The following ANK3 variants were observed in gnomAD, a reference collection of about 807,000 sequenced individuals.
The protein encoded by ANK3 is ankyrin 3, also known as ankyrin-3.
ANK3 carries 57 observed loss-of-function variants against 370.9 expected under a neutral mutation model. The ratio of observed to expected loss-of-function variants is 0.15; its 90% CI spans 0.12 to 0.19. ANK3 has a LOEUF of 0.19. Ranked by LOEUF, ANK3 falls within the 10% of genes least tolerant of loss-of-function variation. ANK3 has a pLI of 1.00. For synonymous variants in ANK3, 1,929 were observed against 1,946.3 expected (o/e 0.99, Z 0.23); for missense variants, 4,439 against 5,302.1 (o/e 0.84, Z 5.06).
In ANK3 at chr10:60,186,815, C is replaced by G. The variant is rs376666994; in HGVS notation, c.1985G>C (p.Arg662Pro). 6.2e-7 allele frequency: 1 copy of G among 1,614,154 alleles called. No individual in the cohort carries two copies. The highest frequency in any genetic ancestry group is 1.7e-5 in the Admixed American group (1 of 60,012). Residue 662 changes from arginine (R) to proline (P), a missense_variant, in exon 17 of 44, where the codon CGG becomes CCG. Physicochemically the swap from Arg to Pro is moderately radical, Grantham distance 103 (BLOSUM62 -2). Transcript: ENST00000280772. ...EYGADANAVT[R>P]QGIASVHLAA... ...GAGATGGACGGAAGCAATTCCTTGCCGGGTAACTGCGTTGGCATCAGCACC... is the reference window on the plus strand; with the variant it reads ...GAGATGGACGGAAGCAATTCCTTGCGGGGTAACTGCGTTGGCATCAGCACC...
intron 2 of ANK3, among the ~76,000 whole-genome samples, chr10:60,571,023 C>G (rs1414944536): frequency 2.0e-5 from 3 of 150,936 alleles, no homozygotes; most frequent in Admixed American, 6.6e-5. Context: ...ACACTTAAAG[C>G]CATATCTTAT....
rs190374751 is a variant in ANK3 at position 60,132,842 on chromosome 10, C to T, written c.2841+1429G>A. ...ACGTTGGCAGGCTGGTCATGAACTCCTGACCTTAAGTGATCTGCCTGTCTT... is the reference window on the plus strand; with the variant it reads ...ACGTTGGCAGGCTGGTCATGAACTCTTGACCTTAAGTGATCTGCCTGTCTT... On this transcript the variant is annotated intron_variant, in intron 25 of 43. Transcript: ENST00000280772. Among the ~76,000 whole-genome samples the T allele has an allele frequency of 5.4e-3, 829 of 152,226 alleles. 9 individuals carry two copies. The highest frequency in any genetic ancestry group is 0.019 in the African/African-American group (783 of 41,548).
rs150017629 is a variant in ANK3, at chr10:60,522,958, T to G, written c.96+92228A>C. Among the ~76,000 whole-genome samples, 12 of 152,178 alleles carry G rather than the reference T, an allele frequency of 7.9e-5. No homozygotes were observed. In the East Asian group the frequency reaches 2.3e-3, roughly 30 times the overall value. On this transcript the variant is annotated intron_variant, in intron 2 of 43. Transcript: ENST00000373827. The stretch of plus-strand genomic sequence containing the variant: ...AGAAAGATGGGTGGTGTCAATTGAA[T>G]CTTCATAGATAAAATTTATTTGCCT...
intron 1 of ANK3, among the ~76,000 whole-genome samples, chr10:60,704,602 T>C (rs1244404970): frequency 6.6e-6 from 1 of 152,178 alleles, no homozygotes; most frequent in African/African-American, 2.4e-5. Context: ...AATAACGTTG[T>C]CCTCCTGACC....
chr10:60,186,971 C>T (rs2096353995), intron 16 of ANK3, 59 bp from the exon 17 acceptor site: 4 of 1,495,772 alleles, frequency 2.7e-6, no homozygotes, highest in African/African-American at 1.4e-5. Context: ...GTGCACAGTG[C>T]ATTTTCAAAT....
At chr10:60,374,820 C>T (rs1215704777) in intron 1 of ANK3, among the ~76,000 whole-genome samples, 1 of 152,024 alleles carries the variant, frequency 6.6e-6, no homozygotes, top group Non-Finnish European at 1.5e-5. Context: ...TTTTGGTACA[C>T]TCATAAAGTA....
At position 60,270,215 on chromosome 10, in the gene ANK3, T is replaced by A; in HGVS notation, c.429A>T (p.Pro143=). The change falls in exon 5 of 44, where the codon CCA becomes CCT. Residue 143 remains proline (P), a synonymous_variant. Transcript: ENST00000280772. The part of the protein sequence containing the change: ...VNAQSQNGFT[P]LYMAAQENHL... The stretch of plus-strand genomic sequence containing the variant: ...GATTTTCCTGGGCTGCCATATACAA[T>A]GGCGTGAAACCATTCTGCAAAATAA... 1 of 1,590,880 alleles carries A rather than the reference T, an allele frequency of 6.3e-7. No individual in the cohort carries two copies. The highest frequency in any genetic ancestry group is 8.6e-7 in the Non-Finnish European group (1 of 1,168,554).
At chr10:60,220,945 T>C (rs1430092614) in intron 8 of ANK3, among the ~76,000 whole-genome samples, 1 of 152,184 alleles carries the variant, frequency 6.6e-6, no homozygotes, top group East Asian at 1.9e-4. Context: ...TCCTTGAAAA[T>C]TATCTTCCAC....
At chr10:60,327,321 A>G (rs2050144167) in intron 1 of ANK3, among the ~76,000 whole-genome samples, 1 of 152,218 alleles carries the variant, frequency 6.6e-6, no homozygotes, top group African/African-American at 2.4e-5. Context: ...GGAAGGGGAC[A>G]AGACACATTT....
intron 14 of ANK3, 55 bp from the exon 15 acceptor site, chr10:60,196,680 A>C: frequency 8.5e-7 from 1 of 1,180,530 alleles, no homozygotes; most frequent in Non-Finnish European, 1.2e-6. Context: ...TAAGGAAAAC[A>C]CACACAAAAC....
intron 17 of ANK3, among the ~76,000 whole-genome samples, chr10:60,182,410 G>GA (rs1237635239): frequency 6.6e-6 from 1 of 151,698 alleles, no homozygotes; most frequent in Non-Finnish European, 1.5e-5. Context: ...TCATGACCAA[G>GA]AAAAAAAATT....
intron 7 of ANK3, among the ~76,000 whole-genome samples, chr10:60,242,886 C>T (rs1422473157): frequency 4.6e-5 from 7 of 152,092 alleles, no homozygotes; most frequent in Non-Finnish European, 5.9e-5. Context: ...TTTTTGAAGA[C>T]CCTAAAAATG....
At chr10:60,219,227 G>A (rs1479872154) in intron 8 of ANK3, among the ~76,000 whole-genome samples, 1 of 151,852 alleles carries the variant, frequency 6.6e-6, no homozygotes, top group Non-Finnish European at 1.5e-5. Flanking sequence ...TTTAGAACAT[G>A]CTCCTTTAGC....
At chr10:60,186,657 T>C (rs1565542670) in intron 17 of ANK3, 58 bp downstream of exon 17, 1 of 1,543,374 alleles carries the variant, frequency 6.5e-7, no homozygotes, top group East Asian at 2.3e-5. Flanking sequence ...CTTAGTGACC[T>C]TTCTGAGGGG....
At chr10:60,613,723 A>C (rs1293785389) in intron 2 of ANK3, among the ~76,000 whole-genome samples, 1 of 151,914 alleles carries the variant, frequency 6.6e-6, no homozygotes, top group Non-Finnish European at 1.5e-5. Context: ...TTCATGAAAA[A>C]AACCAGCATC....
At chr10:60,201,966 C>T (rs1000477627) in intron 12 of ANK3, among the ~76,000 whole-genome samples, 7 of 152,060 alleles carry the variant, frequency 4.6e-5, no homozygotes, top group East Asian at 1.9e-4. Context: ...CCACCCATCT[C>T]GGCCTCCCAA....
At chr10:60,486,345 G>A (rs558614917) in intron 2 of ANK3, among the ~76,000 whole-genome samples, 6 of 152,284 alleles carry the variant, frequency 3.9e-5, no homozygotes, top group East Asian at 1.9e-4. Context: ...TTGGGAGGCC[G>A]AGGTGGGTGG....
chr10:60,362,141 T>A (rs992193560), intron 1 of ANK3, among the ~76,000 whole-genome samples: 1 of 151,364 alleles, frequency 6.6e-6, no homozygotes, highest in Non-Finnish European at 1.5e-5. Flanking sequence ...TGGTCACTTT[T>A]AATGATTCAA....
chr10:60,072,148 G>C lies in ANK3; in HGVS notation c.8733C>G (p.Gly2911=), dbSNP rs750979279. 1 of 1,613,816 alleles carries C rather than the reference G, an allele frequency of 6.2e-7. No individual in the cohort carries two copies. Among genetic ancestry groups the C allele is most frequent in the Non-Finnish European group, 8.5e-7 (1 of 1,179,982 alleles). ...TCATTTCTTTAATTTCTGAGAGAGA[G>C]CCGTTTGTTAACAATTTGCGTTCTC... ...TERERKLLTN[G]SLSEIKEMTV... is the part of the protein sequence containing the mutation. Residue 2911 remains glycine, a synonymous_variant, in exon 37 of 44, where the codon GGC becomes GGG. Transcript: ENST00000280772.
Sources: gnomAD v4.1 joint callset for allele counts (sites outside exome capture counted in the v4.1 genomes callset) on GRCh38, gnomAD v4.1.1 for gene constraint, MANE v1.5 for transcripts, NCBI Gene and HGNC (gene_info 2026-07-23, HGNC 2026-07-21) for gene names.